The following ENOX1 variants were observed in gnomAD, a reference collection of about 807,000 sequenced individuals.
The protein encoded by ENOX1 is candidate growth-related and time keeping constitutive hydroquinone (NADH) oxidase.
ENOX1 carries 42 observed loss-of-function variants against 82.5 expected under a neutral mutation model. The observed-to-expected ratio is 0.51, with a 90% CI of 0.40 to 0.66. The LOEUF is 0.66. Among genes scored for constraint, ENOX1 ranks in the 30% least tolerant of loss-of-function variants. ENOX1 has a pLI of 0.00. For missense variants in ENOX1, 608 were observed against 811.6 expected, an observed-to-expected ratio of 0.75 and a Z score of 3.05; for synonymous variants, 271 against 282.2, an observed-to-expected ratio of 0.96 and a Z score of 0.40.
intron 2 of ENOX1, among the ~76,000 whole-genome samples, chr13:43,569,368 G>T (rs1433771923): frequency 2.0e-5 from 3 of 152,182 alleles, no homozygotes; most frequent in Non-Finnish European, 4.4e-5. Context: ...TAGGTAAGTA[G>T]AGATAGATAG....
intron 2 of ENOX1, among the ~76,000 whole-genome samples, chr13:43,666,818 A>G (rs1304082781): frequency 6.6e-6 from 1 of 152,146 alleles, no homozygotes; most frequent in African/African-American, 2.4e-5. Flanking sequence ...GGCTCAGTTA[A>G]TGGGTCCAGG....
intron 2 of ENOX1, among the ~76,000 whole-genome samples, chr13:43,588,548 T>C (rs1285081378): frequency 6.6e-6 from 1 of 152,202 alleles, no homozygotes; most frequent in South Asian, 2.1e-4. Context: ...AATCTGACAC[T>C]TCAATATAGG....
chr13:43,648,803 T>G (rs74959527), intron 2 of ENOX1, among the ~76,000 whole-genome samples: 2,009 of 152,342 alleles, frequency 0.013, 57 homozygotes, highest in African/African-American at 0.046. Flanking sequence ...CCAGAGTCCC[T>G]GCATATCATT....
At chr13:43,773,192 C>T (rs1951739964) in intron 1 of ENOX1, among the ~76,000 whole-genome samples, 1 of 152,190 alleles carries the variant, frequency 6.6e-6, no homozygotes, top group African/African-American at 2.4e-5. Flanking sequence ...TTATGTATTA[C>T]AAATCAGACC....
intron 1 of ENOX1, among the ~76,000 whole-genome samples, chr13:43,744,644 G>A (rs1949923065): frequency 6.6e-6 from 1 of 152,192 alleles, no homozygotes; most frequent in African/African-American, 2.4e-5. Flanking sequence ...CTTAGCTACA[G>A]GAGTGTGAAC....
intron 5 of ENOX1, among the ~76,000 whole-genome samples, chr13:43,404,413 C>G (rs1274971612): frequency 6.6e-6 from 1 of 152,164 alleles, no homozygotes; most frequent in Admixed American, 6.5e-5. Context: ...ACATTTTCTG[C>G]TTTTAGAACT....
intron 1 of ENOX1, among the ~76,000 whole-genome samples, chr13:43,708,987 T>G (rs1050395209): frequency 6.6e-6 from 1 of 152,158 alleles, no homozygotes; most frequent in Non-Finnish European, 1.5e-5. Flanking sequence ...TTATAGTTTT[T>G]AAAATAAGGA....
Position 43,415,232 on chromosome 13 carries a change from G to GTTTTTTTTTTTTTTTTTT in ENOX1, c.-74-2262_-74-2245dup, listed in dbSNP as rs71202260. Reference sequence around the variant, plus strand: ...CATCTCTTCAGTCTCCCAATCCAATGTTTTTTTTTTTTTTTTTTTTTTTTT... The same window carrying GTTTTTTTTTTTTTTTTTT: ...CATCTCTTCAGTCTCCCAATCCAATGTTTTTTTTTTTTTTTTTTTTTTTTTTTTTTTTTTTTTTTTTTT... On this transcript the variant is annotated intron_variant, in intron 3 of 16. Transcript: ENST00000690772. Among the ~76,000 whole-genome samples the GTTTTTTTTTTTTTTTTTT allele has an allele frequency of 3.7e-5, 2 of 54,640 alleles. 1 individual carries two copies. Among genetic ancestry groups the GTTTTTTTTTTTTTTTTTT allele is most frequent in the Non-Finnish European group, 6.2e-5 (2 of 32,004 alleles). 35.8% of individuals were successfully genotyped at this position (54,640 alleles called of 152,430 possible).
chr13:43,712,089 A>G (rs368167898), intron 1 of ENOX1, among the ~76,000 whole-genome samples: 2 of 151,854 alleles, frequency 1.3e-5, no homozygotes, highest in East Asian at 3.9e-4. Context: ...ATCTGGAATT[A>G]ATTTTTGTAT....
chr13:43,571,041 A>G (rs887165041), intron 2 of ENOX1, among the ~76,000 whole-genome samples: 3 of 152,120 alleles, frequency 2.0e-5, no homozygotes, highest in Admixed American at 6.6e-5. Flanking sequence ...AATTTATCTG[A>G]TTTTTGAGTT....
intron 14 of ENOX1, among the ~76,000 whole-genome samples, chr13:43,245,299 T>C (rs1248087832): frequency 6.6e-6 from 1 of 152,252 alleles, no homozygotes; most frequent in East Asian, 1.9e-4. Context: ...AGTGTCTTCC[T>C]GCTCCCTGAT....
At chr13:43,605,986 A>C (rs1179523428) in intron 2 of ENOX1, among the ~76,000 whole-genome samples, 1 of 152,218 alleles carries the variant, frequency 6.6e-6, no homozygotes. Flanking sequence ...CCAATTAAAA[A>C]ATGGGCAAAA....
chr13:43,530,858 T>G (rs1359611075), intron 2 of ENOX1, among the ~76,000 whole-genome samples: 3 of 152,028 alleles, frequency 2.0e-5, no homozygotes, highest in Non-Finnish European at 4.4e-5. Flanking sequence ...TTAAATTATA[T>G]CATTGGGTAC....
chr13:43,296,694 G>A (rs1429307441), intron 12 of ENOX1, among the ~76,000 whole-genome samples: 2 of 152,168 alleles, frequency 1.3e-5, no homozygotes, highest in African/African-American at 4.8e-5. Context: ...CAGGCACGTG[G>A]CTCCTCAGTG....
At chr13:43,255,208 A>G (rs1232800037) in intron 14 of ENOX1, among the ~76,000 whole-genome samples, 4 of 152,220 alleles carry the variant, frequency 2.6e-5, no homozygotes, top group Non-Finnish European at 5.9e-5. Flanking sequence ...TGATGATTTC[A>G]TAGATGGTGA....
chr13:43,392,063 C>T (rs1283615262), intron 5 of ENOX1, among the ~76,000 whole-genome samples: 1 of 151,682 alleles, frequency 6.6e-6, no homozygotes, highest in Non-Finnish European at 1.5e-5. Context: ...GCTCTTCCTT[C>T]TCCACTTTCC....
intron 2 of ENOX1, among the ~76,000 whole-genome samples, chr13:43,486,214 A>T (rs2076410180): frequency 6.6e-6 from 1 of 152,086 alleles, no homozygotes; most frequent in Non-Finnish European, 1.5e-5. Context: ...CGTCTCAAAA[A>T]CAAAAACAAA....
At chr13:43,267,924 G>T (rs2044473803) in intron 13 of ENOX1, among the ~76,000 whole-genome samples, 3 of 152,054 alleles carry the variant, frequency 2.0e-5, no homozygotes, top group Admixed American at 6.6e-5. Context: ...AATGATTTTA[G>T]CTGTTTCGAA....
chr13:43,503,290 T>C (rs1775851262), intron 2 of ENOX1, among the ~76,000 whole-genome samples: 1 of 151,720 alleles, frequency 6.6e-6, no homozygotes, highest in African/African-American at 2.4e-5. Flanking sequence ...ATTTGAAGAA[T>C]ATCAAAATGT....
Sources: allele counts gnomAD v4.1 joint callset (sites outside exome capture counted in the v4.1 genomes callset), GRCh38; gene constraint gnomAD v4.1.1; transcripts MANE v1.5; gene names NCBI Gene and HGNC (gene_info 2026-07-23, HGNC 2026-07-21).